TRPM6: variants seen among roughly 807,000 people sequenced by gnomAD.
The protein encoded by TRPM6 is channel kinase 2.
Under a neutral mutation model 247.6 loss-of-function variants are expected in TRPM6, and 111 were observed. That is an observed-to-expected ratio of 0.45 (90% CI 0.38 to 0.52). The LOEUF is 0.52. Among genes scored for constraint, TRPM6 ranks in the 20% least tolerant of loss-of-function variants. The pLI is 0.00. For missense variants in TRPM6, 2,126 were observed against 2,421.5 expected (o/e 0.88, Z 2.56); for synonymous variants, 892 against 853.8 (o/e 1.04, Z -0.78).
chr9:74,825,778 G>A lies in TRPM6; in HGVS notation c.841+2000C>T, dbSNP rs755890916. ...CTGCACAGAACCCCACGCAATTTAGGTGGTGGGCAAAGGTCAACAGAGGCA... is the reference window on the plus strand; with the variant it reads ...CTGCACAGAACCCCACGCAATTTAGATGGTGGGCAAAGGTCAACAGAGGCA... On this transcript the variant is annotated intron_variant, in intron 7 of 38. Coordinates refer to ENST00000360774, the MANE Select transcript of TRPM6 (RefSeq NM_017662.5). Among the ~76,000 whole-genome samples, 90 of 152,060 alleles carry A rather than the reference G, an allele frequency of 5.9e-4. 1 individual carries two copies. The highest frequency in any genetic ancestry group is 6.2e-4 in the South Asian group (3 of 4,822).
intron 7 of TRPM6, among the ~76,000 whole-genome samples, chr9:74,825,458 CGTGTGTGTGTGT>C (rs5898381): frequency 6.7e-6 from 1 of 148,578 alleles, no homozygotes; most frequent in African/African-American, 2.5e-5. Flanking sequence ...CTCTTTCTTC[CGTGTGTGTGTGT>C]GTGTGTGTGT....
chr9:74,879,650 T>A (rs1831299076), intron 1 of TRPM6, among the ~76,000 whole-genome samples: 1 of 152,060 alleles, frequency 6.6e-6, no homozygotes, highest in Admixed American at 6.5e-5. Context: ...GAAGCTTCCA[T>A]AAAAATCCAA....
At chr9:74,778,356 A>G (rs567502866) in intron 23 of TRPM6, among the ~76,000 whole-genome samples, 50 of 152,300 alleles carry the variant, frequency 3.3e-4, no homozygotes, top group African/African-American at 1.2e-3. Flanking sequence ...ACTCAGGTAT[A>G]TGGCTTTGCT....
chr9:74,853,140 G>A (rs1442404135), intron 3 of TRPM6, among the ~76,000 whole-genome samples: 4 of 151,820 alleles, frequency 2.6e-5, no homozygotes, highest in Admixed American at 2.0e-4. Context: ...CTGCTCGACC[G>A]CCACCCCATC....
chr9:74,827,986 T>C (rs1312220824), intron 6 of TRPM6, 37 bp from the exon 7 acceptor site: 5 of 1,606,494 alleles, frequency 3.1e-6, no homozygotes, highest in African/African-American at 1.3e-5. Flanking sequence ...GTCAGAGCTC[T>C]AGATCCTTCC....
chr9:74,858,320 G>C (rs943543529), intron 2 of TRPM6, among the ~76,000 whole-genome samples: 5 of 152,234 alleles, frequency 3.3e-5, no homozygotes, highest in African/African-American at 1.2e-4. Context: ...CCAGGAGGTG[G>C]AGGTTGCAGT....
At chr9:74,859,587 T>A (rs11144119) in intron 1 of TRPM6, among the ~76,000 whole-genome samples, 54,993 of 151,768 alleles carry the variant, frequency 0.36, 10,267 homozygotes, top group East Asian at 0.51. Context: ...AGCCTGGCCA[T>A]CATGGTGAAA....
chr9:74,754,341 T>G (rs1306154657), intron 28 of TRPM6, among the ~76,000 whole-genome samples: 1 of 152,174 alleles, frequency 6.6e-6, no homozygotes, highest in African/African-American at 2.4e-5. Context: ...TTTTTAAACA[T>G]AAAATCAGGG....
At chr9:74,810,226 A>T (rs955328927) in intron 13 of TRPM6, among the ~76,000 whole-genome samples, 1 of 152,190 alleles carries the variant, frequency 6.6e-6, no homozygotes, top group Non-Finnish European at 1.5e-5. Context: ...GAGGTATAAA[A>T]GTTTGTTAAA....
chr9:74,852,718 C>T (rs1227539735), intron 3 of TRPM6, among the ~76,000 whole-genome samples: 1 of 152,240 alleles, frequency 6.6e-6, no homozygotes, highest in Non-Finnish European at 1.5e-5. Flanking sequence ...GTCTCCAGCT[C>T]CTGACCGCGA....
chr9:74,742,764 T>C, intron 32 of TRPM6, 138 bp from the exon 33 acceptor site: 1 of 769,930 alleles, frequency 1.3e-6, no homozygotes, highest in Non-Finnish European at 2.2e-6. Context: ...AAAAATATAA[T>C]CTATAATACA....
chr9:74,887,711 C>T lies in TRPM6; in HGVS notation c.33+113G>A, dbSNP rs1040464657. The T allele has an allele frequency of 3.1e-4, 495 of 1,611,960 alleles. 1 individual carries two copies. The highest frequency in any genetic ancestry group is 3.4e-4 in the Non-Finnish European group (405 of 1,179,954). On this transcript the variant is annotated intron_variant, in intron 1 of 38. Coordinates refer to ENST00000360774, the MANE Select transcript of TRPM6 (RefSeq NM_017662.5). ...TCATAAATCCTAGCTATTCTAGATC[C>T]TCGTTAGATGTAGTGTCCCTGGCCC...
At chr9:74,766,706 T>C (rs906264483) in intron 25 of TRPM6, among the ~76,000 whole-genome samples, 1 of 147,772 alleles carries the variant, frequency 6.8e-6, no homozygotes, top group African/African-American at 2.5e-5. Context: ...AGGTCAGGAG[T>C]TCAAGACCAG....
intron 29 of TRPM6, among the ~76,000 whole-genome samples, chr9:74,751,779 T>C (rs771633029): frequency 4.6e-5 from 7 of 152,188 alleles, no homozygotes; most frequent in Non-Finnish European, 7.4e-5. Flanking sequence ...CAGCCTATGC[T>C]TGACTGATCG....
chr9:74,839,926 A>C, intron 5 of TRPM6, 98 bp downstream of exon 5: 1 of 430,112 alleles, frequency 2.3e-6, no homozygotes, highest in Non-Finnish European at 3.7e-6. Context: ...GGGAAAGAAA[A>C]GAAAAGAAAG....
chr9:74,865,150 A>G (rs1156380327), intron 1 of TRPM6, among the ~76,000 whole-genome samples: 1 of 152,148 alleles, frequency 6.6e-6, no homozygotes, highest in East Asian at 1.9e-4. Flanking sequence ...TAAAACATTT[A>G]TAAATCTTCC....
chr9:74,837,170 C>T (rs145382167), intron 5 of TRPM6, among the ~76,000 whole-genome samples: 1 of 152,354 alleles, frequency 6.6e-6, no homozygotes, highest in Non-Finnish European at 1.5e-5. Flanking sequence ...GTCAAAGATT[C>T]ATGCGAAATT....
At chr9:74,768,000 A>G (rs1027752349) in intron 25 of TRPM6, among the ~76,000 whole-genome samples, 6 of 152,198 alleles carry the variant, frequency 3.9e-5, no homozygotes, top group Non-Finnish European at 8.8e-5. Context: ...GGAAGTACCC[A>G]TAATTTTCAG....
chr9:74,882,466 T>C (rs1382459062), intron 1 of TRPM6, among the ~76,000 whole-genome samples: 1 of 152,176 alleles, frequency 6.6e-6, no homozygotes. Flanking sequence ...AATCAACGTT[T>C]CTCAAACGAA....
Sources: allele counts gnomAD v4.1 joint callset (sites outside exome capture counted in the v4.1 genomes callset), GRCh38; gene constraint gnomAD v4.1.1; transcripts MANE v1.5; gene names NCBI Gene and HGNC (gene_info 2026-07-23, HGNC 2026-07-21).